PNPT1: variants seen among roughly 807,000 people sequenced by gnomAD.
PNPT1 encodes the protein polyribonucleotide nucleotidyltransferase 1, mitochondrial.
In PNPT1, 53 loss-of-function variants were observed where a neutral mutation model predicts 119.5. That is an observed-to-expected ratio of 0.44 (90% CI 0.36 to 0.56). The LOEUF (loss-of-function observed/expected upper bound fraction) is 0.56. Ranked by LOEUF, PNPT1 falls within the 20% of genes least tolerant of loss-of-function variation. The probability of loss-of-function intolerance (pLI) is 0.00; values close to 1 mark genes in which losing one functional copy is unlikely to be tolerated. For missense variants in PNPT1, 948 were observed against 938.5 expected, an observed-to-expected ratio of 1.01 and a Z score of -0.13; for synonymous variants, 357 against 322.1, an observed-to-expected ratio of 1.11 and a Z score of -1.16.
chr2:55,640,282 T>C (rs1695795748), intron 26 of PNPT1, among the ~76,000 whole-genome samples: 1 of 152,086 alleles, frequency 6.6e-6, no homozygotes, highest in South Asian at 2.1e-4. Flanking sequence ...GCCTCCCGAG[T>C]AGCTAAGACT....
At chr2:55,641,121 G>A (rs1007100063) in intron 25 of PNPT1, among the ~76,000 whole-genome samples, 27 of 152,156 alleles carry the variant, frequency 1.8e-4, no homozygotes, top group Non-Finnish European at 3.7e-4. Flanking sequence ...CTACTCAGGA[G>A]GGTGAGGCAG....
At chr2:55,663,403 T>C (rs757546983) in intron 13 of PNPT1, among the ~76,000 whole-genome samples, 12 of 152,120 alleles carry the variant, frequency 7.9e-5, no homozygotes, top group Admixed American at 2.6e-4. Context: ...GGATAACATA[T>C]GTGCAGTTGC....
intron 18 of PNPT1, among the ~76,000 whole-genome samples, chr2:55,652,595 G>C (rs1231223477): frequency 1.3e-5 from 2 of 152,126 alleles, no homozygotes; most frequent in African/African-American, 2.4e-5. Context: ...CTGACCTGTT[G>C]ATCAGATTAA....
intron 21 of PNPT1, 65 bp downstream of exon 21, chr2:55,646,194 G>A (rs1695997988): frequency 5.7e-6 from 8 of 1,414,610 alleles, no homozygotes; most frequent in Non-Finnish European, 7.8e-6. Flanking sequence ...TAAGCCTAAT[G>A]AGAACTATAG....
At chr2:55,666,181 G>C (rs921977588) in intron 13 of PNPT1, among the ~76,000 whole-genome samples, 1 of 152,188 alleles carries the variant, frequency 6.6e-6, no homozygotes, top group Non-Finnish European at 1.5e-5. Flanking sequence ...CTCCTGAGGA[G>C]GTGGGGGGCA....
rs373635476 is a variant in PNPT1 at position 55,693,797 on chromosome 2, C to A, written c.27G>T (p.Ser9=). The A allele has an allele frequency of 6.2e-7, 1 of 1,613,954 alleles. No homozygotes were observed. The highest frequency in any genetic ancestry group is 8.5e-7 in the Non-Finnish European group (1 of 1,180,036). Residue 9 remains serine, a synonymous_variant, in exon 1 of 28, where the codon TCG becomes TCT. Transcript: ENST00000447944. ...CGCTCAGGGGCCGGAGCCGGAGGCA[C>A]GAGCAGCAGTACCTGCAGGCCGCCA... MAACRYCC[S]CLRLRPLSDG... is the part of the protein sequence containing the mutation.
chr2:55,648,556 A>C (rs757671201), intron 18 of PNPT1, among the ~76,000 whole-genome samples: 1 of 152,026 alleles, frequency 6.6e-6, no homozygotes, highest in Non-Finnish European at 1.5e-5. Flanking sequence ...TTTAAATCTG[A>C]CTTGTTTTTT....
intron 25 of PNPT1, among the ~76,000 whole-genome samples, chr2:55,641,597 GAAT>G (rs1443060930): frequency 1.3e-5 from 2 of 152,042 alleles, no homozygotes; most frequent in African/African-American, 2.4e-5. Flanking sequence ...AGGTAAAATG[GAAT>G]ACTTATTTCA....
chr2:55,667,761 C>G, intron 12 of PNPT1, 101 bp downstream of exon 12: 1 of 1,412,620 alleles, frequency 7.1e-7, no homozygotes, highest in Middle Eastern at 2.5e-4. Flanking sequence ...CTTTACTGTT[C>G]ACTTGAAAAA....
chr2:55,670,240 G>A (rs1696867341), intron 11 of PNPT1, among the ~76,000 whole-genome samples: 1 of 152,026 alleles, frequency 6.6e-6, no homozygotes, highest in African/African-American at 2.4e-5. Context: ...AAGCTGGAGT[G>A]CAGTGGCGCG....
rs750977497 is a variant in PNPT1, at chr2:55,693,783, C to A, written c.41G>T (p.Arg14Leu). 1 of 1,613,918 alleles carries A rather than the reference C, an allele frequency of 6.2e-7. No homozygotes were observed. Among genetic ancestry groups the A allele is most frequent in the South Asian group, 1.1e-5 (1 of 91,090 alleles). Reference protein sequence around the residue: ...CRYCCSCLRLRPLSDGPFLLP... With the variant: ...CRYCCSCLRLLPLSDGPFLLP... ...AAGGAAAGGACCATCGCTCAGGGGC[C>A]GGAGCCGGAGGCACGAGCAGCAGTA... Residue 14 changes from arginine (R) to leucine (L), a missense_variant, in exon 1 of 28, where the codon CGG becomes CTG. By Grantham distance (102) the Arg-to-Leu change is moderately radical. Coordinates refer to ENST00000447944, the MANE Select transcript of PNPT1 (RefSeq NM_033109.5).
chr2:55,638,674 T>C (rs143949227), intron 26 of PNPT1, among the ~76,000 whole-genome samples: 5 of 152,246 alleles, frequency 3.3e-5, no homozygotes, highest in Admixed American at 6.5e-5. Flanking sequence ...TGTAGATAAC[T>C]ACTGCTAACA....
chr2:55,644,497 A>C, intron 23 of PNPT1, 140 bp downstream of exon 23: 1 of 508,120 alleles, frequency 2.0e-6, no homozygotes, highest in South Asian at 5.1e-5. Flanking sequence ...CACAGTCAAG[A>C]CACGTCATAT....
intron 18 of PNPT1, among the ~76,000 whole-genome samples, chr2:55,651,052 G>C (rs1435701365): frequency 7.3e-6 from 1 of 136,864 alleles, no homozygotes; most frequent in Admixed American, 7.2e-5. Context: ...CTGGCCGGCC[G>C]CCCCGTCCAG....
Position 55,686,547 on chromosome 2 carries a change from T to C in PNPT1, c.223-103A>G, listed in dbSNP as rs945190566. 10 of 773,532 alleles carry C rather than the reference T, an allele frequency of 1.3e-5. No homozygotes were observed. In the African/African-American group the frequency reaches 1.8e-4, roughly 14 times the overall value. The allele number at this position is 773,532 out of a possible 1,614,324, so 47.9% of individuals were successfully genotyped here. A position where few individuals can be genotyped will look rare whatever the true frequency, so the allele number is the denominator to read the frequency against. On this transcript the variant is annotated intron_variant, in intron 2 of 27. Transcript: ENST00000447944. ...TACTCCAATTAAACTCAAGAAAAGA[T>C]ATCTAATTCTACGACACGATTATGA...
intron 13 of PNPT1, among the ~76,000 whole-genome samples, chr2:55,664,423 G>A (rs148859794): frequency 4.8e-4 from 73 of 152,228 alleles, no homozygotes; most frequent in South Asian, 4.1e-3. Context: ...GCAATATGGC[G>A]AAACCCTGAC....
At chr2:55,688,766 C>CAACAAA (rs1553502503) in intron 1 of PNPT1, among the ~76,000 whole-genome samples, 1 of 151,054 alleles carries the variant, frequency 6.6e-6, no homozygotes, top group African/African-American at 2.4e-5. Context: ...ACAACAACAA[C>CAACAAA]AAAAAACTTT....
intron 1 of PNPT1, among the ~76,000 whole-genome samples, chr2:55,687,941 G>A (rs1025379244): frequency 3.9e-5 from 6 of 152,210 alleles, no homozygotes; most frequent in African/African-American, 1.4e-4. Flanking sequence ...AAAGTCTTTT[G>A]GAGGTTCAGA....
At chr2:55,672,802 C>T (rs1696954103) in intron 9 of PNPT1, 91 bp downstream of exon 9, 2 of 1,201,544 alleles carry the variant, frequency 1.7e-6, no homozygotes, top group African/African-American at 3.1e-5. Context: ...TGAAGTAATG[C>T]ATGGGCAGTG....
Sources: gnomAD v4.1 joint callset for allele counts (sites outside exome capture counted in the v4.1 genomes callset) on GRCh38, gnomAD v4.1.1 for gene constraint, MANE v1.5 for transcripts, NCBI Gene and HGNC (gene_info 2026-07-23, HGNC 2026-07-21) for gene names.